The following NKAIN2 variants were observed in gnomAD, a reference collection of about 807,000 sequenced individuals.
NKAIN2 encodes sodium/potassium transporting ATPase interacting 2.
NKAIN2 carries 14 observed loss-of-function variants against 32.6 expected under a neutral mutation model. The observed-to-expected ratio is 0.43, with a 90% confidence interval of 0.28 to 0.67. The LOEUF (loss-of-function observed/expected upper bound fraction) is 0.67, where lower values mean the gene tolerates loss of function less well. NKAIN2 is among the 30% of genes least tolerant of loss of function. NKAIN2 has a pLI of 0.17. For missense variants in NKAIN2, 198 were observed against 258.3 expected (o/e 0.77, Z 1.60); for synonymous variants, 80 against 87.2 (o/e 0.92, Z 0.46).
At chr6:124,771,482 A>G (rs781190968) in intron 4 of NKAIN2, among the ~76,000 whole-genome samples, 57 of 152,288 alleles carry the variant, frequency 3.7e-4, no homozygotes, top group Non-Finnish European at 6.6e-4. Context: ...ATAAGGAAAT[A>G]TATGTAAGCA....
At chr6:124,110,728 A>G (rs1274331428) in intron 1 of NKAIN2, among the ~76,000 whole-genome samples, 14 of 152,080 alleles carry the variant, frequency 9.2e-5, no homozygotes, top group Admixed American at 9.2e-4. Flanking sequence ...ACATGATTTC[A>G]TTCTTTTTCA....
chr6:123,817,388 A>G lies in NKAIN2; in HGVS notation c.54+13134A>G, dbSNP rs141597857. Among the ~76,000 whole-genome samples the G allele has an allele frequency of 1.2e-4, 19 of 152,276 alleles. No individual in the cohort carries two copies. The East Asian group carries it at 3.7e-3, about 29-fold the overall frequency. On this transcript the variant is annotated intron_variant, in intron 1 of 6. Transcript: ENST00000368417. Reference sequence around the variant, plus strand: ...GTCTCTAGATTTTGTCAGATTGCAAAATAGTCCCTTTGTCGAGATCCTCTG... The same window carrying G: ...GTCTCTAGATTTTGTCAGATTGCAAGATAGTCCCTTTGTCGAGATCCTCTG...
At chr6:124,482,187 A>T (rs1000172689) in intron 3 of NKAIN2, among the ~76,000 whole-genome samples, 3 of 152,174 alleles carry the variant, frequency 2.0e-5, no homozygotes, top group East Asian at 3.9e-4. Context: ...ATGCAGGCAG[A>T]TCTTTAACTA....
intron 1 of NKAIN2, among the ~76,000 whole-genome samples, chr6:123,938,504 T>G (rs1776654953): frequency 7.2e-6 from 1 of 138,046 alleles, no homozygotes; most frequent in Admixed American, 7.9e-5. Flanking sequence ...TATTTATATA[T>G]AATATATTAT....
intron 2 of NKAIN2, among the ~76,000 whole-genome samples, chr6:124,335,692 G>C (rs573970803): frequency 3.1e-4 from 47 of 151,928 alleles, no homozygotes; most frequent in African/African-American, 1.1e-3. Flanking sequence ...CTATTTTTGG[G>C]TCTTTAAAAG....
intron 2 of NKAIN2, among the ~76,000 whole-genome samples, chr6:124,313,944 G>A (rs1796828648): frequency 6.6e-6 from 1 of 152,066 alleles, no homozygotes; most frequent in Non-Finnish European, 1.5e-5. Flanking sequence ...GGCTCTCTTT[G>A]TGATTATCTC....
intron 4 of NKAIN2, among the ~76,000 whole-genome samples, chr6:124,773,651 T>C (rs1387683086): frequency 6.6e-6 from 1 of 152,194 alleles, no homozygotes. Flanking sequence ...CCCAGCAATT[T>C]CTATGCAGAT....
At chr6:124,075,600 T>A (rs561054702) in intron 1 of NKAIN2, among the ~76,000 whole-genome samples, 1 of 152,142 alleles carries the variant, frequency 6.6e-6, no homozygotes, top group Non-Finnish European at 1.5e-5. Context: ...TTTATTTATT[T>A]ATTTATTTAT....
At chr6:124,218,364 C>T (rs1238033444) in intron 1 of NKAIN2, among the ~76,000 whole-genome samples, 3 of 152,092 alleles carry the variant, frequency 2.0e-5, no homozygotes, top group Non-Finnish European at 4.4e-5. Flanking sequence ...AGGTTATTCT[C>T]ACATGACTGA....
intron 3 of NKAIN2, among the ~76,000 whole-genome samples, chr6:124,569,203 A>C (rs1335798481): frequency 6.6e-6 from 1 of 152,122 alleles, no homozygotes; most frequent in South Asian, 2.1e-4. Flanking sequence ...CCTGCTTTCT[A>C]TCTTGGAATT....
At chr6:124,069,583 A>G (rs1783344002) in intron 1 of NKAIN2, among the ~76,000 whole-genome samples, 1 of 152,188 alleles carries the variant, frequency 6.6e-6, no homozygotes, top group South Asian at 2.1e-4. Context: ...GCACAGAAGC[A>G]GCTCCTGGTG....
intron 5 of NKAIN2, among the ~76,000 whole-genome samples, chr6:124,801,850 A>C (rs1780273604): frequency 6.6e-6 from 1 of 152,222 alleles, no homozygotes; most frequent in South Asian, 2.1e-4. Context: ...TGTAGAACTT[A>C]ACAAAGACAG....
intron 4 of NKAIN2, among the ~76,000 whole-genome samples, chr6:124,703,761 G>C (rs1200892490): frequency 6.6e-6 from 1 of 151,952 alleles, no homozygotes; most frequent in East Asian, 1.9e-4. Flanking sequence ...CAGAATACAA[G>C]TGTGAGACAT....
chr6:124,438,528 G>A (rs1001525433), intron 3 of NKAIN2, among the ~76,000 whole-genome samples: 7 of 152,166 alleles, frequency 4.6e-5, no homozygotes, highest in Non-Finnish European at 1.0e-4. Flanking sequence ...AAAGAAAGAA[G>A]AGAAATCATT....
chr6:124,021,142 T>C (rs1380459483), intron 1 of NKAIN2, among the ~76,000 whole-genome samples: 2 of 152,066 alleles, frequency 1.3e-5, no homozygotes, highest in African/African-American at 4.8e-5. Flanking sequence ...AGTGAAATTA[T>C]AGCCCATAGG....
intron 2 of NKAIN2, among the ~76,000 whole-genome samples, chr6:124,321,635 A>G (rs916965180): frequency 6.6e-6 from 1 of 152,156 alleles, no homozygotes; most frequent in African/African-American, 2.4e-5. Flanking sequence ...GCTTACAACA[A>G]ACATCCAGTG....
intron 3 of NKAIN2, among the ~76,000 whole-genome samples, chr6:124,467,273 C>T (rs1457861751): frequency 6.6e-6 from 1 of 152,076 alleles, no homozygotes; most frequent in African/African-American, 2.4e-5. Flanking sequence ...TACCACTCTT[C>T]TTCTAGAATT....
intron 4 of NKAIN2, among the ~76,000 whole-genome samples, chr6:124,661,647 G>A (rs1033727283): frequency 1.3e-5 from 2 of 152,138 alleles, no homozygotes; most frequent in Admixed American, 6.6e-5. Flanking sequence ...AGAAAAGACT[G>A]CCAGAACACC....
chr6:123,872,015 A>G (rs1274226656), intron 1 of NKAIN2, among the ~76,000 whole-genome samples: 2 of 152,258 alleles, frequency 1.3e-5, no homozygotes, highest in South Asian at 2.1e-4. Context: ...CAATTTTGAC[A>G]TCCTTTTAAG....
Sources: gnomAD v4.1 joint callset for allele counts (sites outside exome capture counted in the v4.1 genomes callset) on GRCh38, gnomAD v4.1.1 for gene constraint, MANE v1.5 for transcripts, NCBI Gene and HGNC (gene_info 2026-07-23, HGNC 2026-07-21) for gene names.